CNTN4: variants seen among roughly 807,000 people sequenced by gnomAD.
CNTN4 encodes contactin-4.
A neutral mutation model predicts 122.5 loss-of-function variants in CNTN4; 77 were observed. The observed-to-expected ratio is 0.63, with a 90% CI of 0.52 to 0.76. CNTN4 has a LOEUF of 0.76. Among genes scored for constraint, CNTN4 ranks in the 30% least tolerant of loss-of-function variants. The pLI is 0.00. For missense variants in CNTN4, 1,256 were observed against 1,259.1 expected, an observed-to-expected ratio of 1.00 and a Z score of 0.04; for synonymous variants, 512 against 447.0, an observed-to-expected ratio of 1.15 and a Z score of -1.83.
At chr3:2,501,188 T>C (rs568283644) in intron 3 of CNTN4, among the ~76,000 whole-genome samples, 3 of 152,268 alleles carry the variant, frequency 2.0e-5, no homozygotes, top group Admixed American at 2.0e-4. Context: ...ATATAGAAAG[T>C]CCATTCATTT....
At chr3:2,145,078 C>T (rs543678217) in intron 2 of CNTN4, among the ~76,000 whole-genome samples, 4 of 152,160 alleles carry the variant, frequency 2.6e-5, no homozygotes, top group Non-Finnish European at 5.9e-5. Context: ...CTCTGGGCTT[C>T]TTATTCATAA....
intron 3 of CNTN4, among the ~76,000 whole-genome samples, chr3:2,560,646 A>G (rs991859447): frequency 6.6e-6 from 1 of 152,232 alleles, no homozygotes; most frequent in Non-Finnish European, 1.5e-5. Context: ...AAACAATACA[A>G]GTCCAAGACT....
At chr3:2,936,993 C>G (rs535820198) in intron 13 of CNTN4, among the ~76,000 whole-genome samples, 77 of 152,230 alleles carry the variant, frequency 5.1e-4, no homozygotes, top group Admixed American at 2.4e-3. Context: ...GATCAAAAAG[C>G]CTGAAATATT....
At chr3:2,978,618 C>T (rs1323405750) in intron 13 of CNTN4, among the ~76,000 whole-genome samples, 1 of 152,198 alleles carries the variant, frequency 6.6e-6, no homozygotes, top group Non-Finnish European at 1.5e-5. Context: ...AAAAAGCAAG[C>T]TCATCTGTGG....
At chr3:2,381,659 A>T (rs2046027731) in intron 3 of CNTN4, among the ~76,000 whole-genome samples, 1 of 152,098 alleles carries the variant, frequency 6.6e-6, no homozygotes, top group Non-Finnish European at 1.5e-5. Context: ...TTTCAAACTG[A>T]TTTTCTTCCA....
chr3:2,569,986 T>C (rs77540601), intron 3 of CNTN4, among the ~76,000 whole-genome samples: 7,207 of 151,948 alleles, frequency 0.047, 541 homozygotes, highest in African/African-American at 0.16. Context: ...GGCCCAGTGC[T>C]TCACCTTGTG....
At chr3:2,516,271 T>C (rs1233077143) in intron 3 of CNTN4, among the ~76,000 whole-genome samples, 1 of 152,128 alleles carries the variant, frequency 6.6e-6, no homozygotes, top group Non-Finnish European at 1.5e-5. Flanking sequence ...AGCAGGCCTG[T>C]TGTAAGTAGA....
chr3:2,296,553 A>G (rs1307342881), intron 2 of CNTN4, among the ~76,000 whole-genome samples: 2 of 152,196 alleles, frequency 1.3e-5, no homozygotes, highest in Non-Finnish European at 2.9e-5. Context: ...TACTAACTGG[A>G]GGAGACCAAG....
chr3:2,468,165 T>G (rs532502214), intron 3 of CNTN4, among the ~76,000 whole-genome samples: 118 of 152,320 alleles, frequency 7.7e-4, no homozygotes, highest in African/African-American at 2.6e-3. Context: ...TTTTGGCATT[T>G]TAATTTTCTT....
intron 4 of CNTN4, among the ~76,000 whole-genome samples, chr3:2,676,038 T>G (rs2084824933): frequency 6.6e-6 from 1 of 152,192 alleles, no homozygotes; most frequent in Non-Finnish European, 1.5e-5. Flanking sequence ...TCTTTTCAGA[T>G]TGTATAAATC....
chr3:2,715,927 C>T (rs1224939973), intron 4 of CNTN4, among the ~76,000 whole-genome samples: 2 of 152,270 alleles, frequency 1.3e-5, no homozygotes, highest in East Asian at 3.9e-4. Context: ...AAGTTCACAG[C>T]AGTTCACAGC....
At chr3:2,769,715 T>C (rs1184181584) in intron 6 of CNTN4, among the ~76,000 whole-genome samples, 1 of 152,174 alleles carries the variant, frequency 6.6e-6, no homozygotes, top group Non-Finnish European at 1.5e-5. Flanking sequence ...TCCAACACTC[T>C]GTAAACCAGG....
intron 4 of CNTN4, among the ~76,000 whole-genome samples, chr3:2,594,465 CTGT>C (rs2080663991): frequency 2.9e-5 from 4 of 138,952 alleles, no homozygotes; most frequent in Admixed American, 2.4e-4. Flanking sequence ...GTCAGCCAGG[CTGT>C]AGTGCAGTGG....
At chr3:2,162,024 T>A (rs1407709967) in intron 2 of CNTN4, among the ~76,000 whole-genome samples, 1 of 152,238 alleles carries the variant, frequency 6.6e-6, no homozygotes. Context: ...ATCTTATGTC[T>A]GTTAAAATTG....
intron 3 of CNTN4, among the ~76,000 whole-genome samples, chr3:2,356,442 A>G (rs935100501): frequency 6.6e-6 from 1 of 152,140 alleles, no homozygotes; most frequent in Non-Finnish European, 1.5e-5. Flanking sequence ...ATGCCATGGC[A>G]TCTGTAAACT....
intron 3 of CNTN4, among the ~76,000 whole-genome samples, chr3:2,408,535 G>C (rs943303368): frequency 2.0e-5 from 3 of 152,168 alleles, no homozygotes; most frequent in African/African-American, 7.2e-5. Flanking sequence ...AATAAATAGA[G>C]ATGTACATGA....
intron 4 of CNTN4, among the ~76,000 whole-genome samples, chr3:2,663,536 T>C (rs1158604286): frequency 6.6e-6 from 1 of 152,092 alleles, no homozygotes; most frequent in Non-Finnish European, 1.5e-5. Context: ...GGTTGAAACT[T>C]GAGGGTGGTC....
At chr3:2,453,474 C>G (rs2048899975) in intron 3 of CNTN4, among the ~76,000 whole-genome samples, 1 of 152,102 alleles carries the variant, frequency 6.6e-6, no homozygotes, top group Non-Finnish European at 1.5e-5. Flanking sequence ...AAAACCTCAT[C>G]TCAAAATAAA....
intron 4 of CNTN4, among the ~76,000 whole-genome samples, chr3:2,647,625 A>C (rs2083187687): frequency 6.6e-6 from 1 of 152,146 alleles, no homozygotes; most frequent in Non-Finnish European, 1.5e-5. Context: ...TTGTTGTATA[A>C]ATATACACAT....
Sources: allele counts gnomAD v4.1 joint callset (sites outside exome capture counted in the v4.1 genomes callset), GRCh38; gene constraint gnomAD v4.1.1; transcripts MANE v1.5; gene names NCBI Gene and HGNC (gene_info 2026-07-23, HGNC 2026-07-21).